Variants in IGSF11 observed in about 807,000 individuals in gnomAD.
IGSF11 encodes the protein immunoglobulin superfamily member 11.
In IGSF11, 22 loss-of-function variants were observed where a neutral mutation model predicts 41.0. The observed-to-expected ratio is 0.54, with a 90% confidence interval of 0.38 to 0.77. The LOEUF (loss-of-function observed/expected upper bound fraction) is 0.77, where lower values mean the gene tolerates loss of function less well. IGSF11 is among the 30% of genes least tolerant of loss of function. The pLI, the probability that IGSF11 is intolerant of heterozygous loss-of-function variation, is 0.00. For missense variants in IGSF11, 444 were observed against 530.8 expected (o/e 0.84, Z 1.61); for synonymous variants, 219 against 201.3 (o/e 1.09, Z -0.74).
chr3:119,036,053 T>A (rs942122292), upstream of IGSF11, among the ~76,000 whole-genome samples: 1 of 152,240 alleles, frequency 6.6e-6, no homozygotes, highest in Non-Finnish European at 1.5e-5. Context: ...GGTGGAGTTA[T>A]GGATGTACTT....
chr3:119,039,547 G>A (rs896321756), upstream of IGSF11, among the ~76,000 whole-genome samples: 3 of 152,176 alleles, frequency 2.0e-5, no homozygotes, highest in African/African-American at 7.2e-5. Context: ...TATATTCACA[G>A]GTTCTGGGGA....
At chr3:119,111,952 G>C (rs992149730) in intron 1 of IGSF11, among the ~76,000 whole-genome samples, 6 of 152,212 alleles carry the variant, frequency 3.9e-5, no homozygotes, top group African/African-American at 1.4e-4. Flanking sequence ...TCCTCTGGAA[G>C]TTTTGTCTCA....
At chr3:119,070,626 GT>G (rs916019556) in intron 1 of IGSF11, among the ~76,000 whole-genome samples, 7 of 152,076 alleles carry the variant, frequency 4.6e-5, no homozygotes, top group Non-Finnish European at 1.0e-4. Context: ...TTCCTTCTTT[GT>G]TTTTTGTTGT....
intron 1 of IGSF11, chr3:119,012,703 T>C (rs985206841): frequency 6.6e-6 from 1 of 152,222 alleles, no homozygotes; most frequent in Non-Finnish European, 1.5e-5. Flanking sequence ...TTATAACAAG[T>C]GTTTTAAAGA....
intron 1 of IGSF11, among the ~76,000 whole-genome samples, chr3:118,946,456 AAAG>A (rs531900257): frequency 4.1e-4 from 62 of 151,964 alleles, no homozygotes; most frequent in Middle Eastern, 3.4e-3. Flanking sequence ...TAAAAAAAAA[AAAG>A]AAGAAGAAGA....
intron 1 of IGSF11, among the ~76,000 whole-genome samples, chr3:119,009,237 C>T (rs9850939): frequency 0.4 from 60,489 of 151,934 alleles, 14,764 homozygotes; most frequent in African/African-American, 0.69. Flanking sequence ...CCAAGCTTTC[C>T]CATCTTGCAT....
intron 1 of IGSF11, 50 bp from the exon 2 acceptor site, chr3:118,930,325 C>A: frequency 6.5e-7 from 1 of 1,532,106 alleles, no homozygotes; most frequent in South Asian, 1.3e-5. Flanking sequence ...TCCCAACAGT[C>A]CAAACTCCTT....
chr3:119,135,421 G>A (rs531887110), intron 1 of IGSF11, among the ~76,000 whole-genome samples: 35 of 152,130 alleles, frequency 2.3e-4, no homozygotes, highest in African/African-American at 7.9e-4. Flanking sequence ...CAGACACTTC[G>A]CAAAAGAAGA....
chr3:119,010,314 A>C (rs1576634690), intron 1 of IGSF11, among the ~76,000 whole-genome samples: 1 of 152,226 alleles, frequency 6.6e-6, no homozygotes. Context: ...AAAAGGAATA[A>C]AAAATAGAAA....
intron 1 of IGSF11, among the ~76,000 whole-genome samples, chr3:119,140,842 G>A (rs1214576928): frequency 2.3e-5 from 3 of 132,162 alleles, no homozygotes; most frequent in East Asian, 2.2e-4. Flanking sequence ...TCAGGAGTTC[G>A]AGACCAGTCT....
At position 118,996,420 on chromosome 3, in the gene IGSF11, T is replaced by A. The variant is rs1056900128; in HGVS notation, c.52+38111A>T. Among the ~76,000 whole-genome samples the A allele has an allele frequency of 9.2e-5, 14 of 152,160 alleles. 1 individual carries two copies. The East Asian group carries it at 1.2e-3, about 13-fold the overall frequency. On this transcript the variant is annotated intron_variant, in intron 1 of 6. Coordinates refer to ENST00000393775, the MANE Select transcript of IGSF11 (RefSeq NM_001015887.3). ...TCCATCACCACTGCTACCACGCTAC[T>A]TCCATGCCACCATCATCTTATACCT...
chr3:119,060,959 T>C (rs2107453133), intron 1 of IGSF11, among the ~76,000 whole-genome samples: 2 of 152,294 alleles, frequency 1.3e-5, no homozygotes, highest in East Asian at 3.9e-4. Context: ...CATGAAAGAC[T>C]AAGTAAATAA....
At chr3:119,024,052 C>T (rs569145067) in intron 1 of IGSF11, among the ~76,000 whole-genome samples, 1 of 152,130 alleles carries the variant, frequency 6.6e-6, no homozygotes, top group Non-Finnish European at 1.5e-5. Context: ...CTGTAGCTCA[C>T]AACATTATAC....
chr3:119,136,616 A>G (rs1486323683), intron 1 of IGSF11, among the ~76,000 whole-genome samples: 1 of 152,208 alleles, frequency 6.6e-6, no homozygotes, highest in African/African-American at 2.4e-5. Flanking sequence ...TCAATTCAGC[A>G]AAAGTATATA....
At chr3:118,949,867 G>A (rs1340185108) in intron 1 of IGSF11, among the ~76,000 whole-genome samples, 2 of 152,152 alleles carry the variant, frequency 1.3e-5, no homozygotes, top group Non-Finnish European at 2.9e-5. Context: ...AAAAGCCTCT[G>A]CATACCTTCC....
intron 1 of IGSF11, among the ~76,000 whole-genome samples, chr3:119,131,167 G>A (rs1191372870): frequency 6.6e-6 from 1 of 152,178 alleles, no homozygotes; most frequent in Admixed American, 6.5e-5. Flanking sequence ...GCAGCTCCTT[G>A]CCAGCAACAG....
At position 118,926,256 on chromosome 3, in the gene IGSF11, A is replaced by G; in HGVS notation, c.425T>C (p.Val142Ala). 6.3e-7 allele frequency: 1 copy of G among 1,582,250 alleles called. No homozygotes were observed. Among genetic ancestry groups the G allele is most frequent in the Non-Finnish European group, 8.6e-7 (1 of 1,159,764 alleles). The change falls in exon 4 of 7, where the codon GTT (valine) becomes GCT (alanine). Residue 142 changes from valine to alanine, a missense_variant and splice_region_variant. Physicochemically the swap from Val to Ala is moderately conservative, Grantham distance 64. Around this residue, in one of 3 missense-constraint regions of IGSF11, gnomAD observed 193 missense variants for 283.5 expected, o/e 0.68. Transcript: ENST00000393775. ...NIGVTGLTVL[V>A]PPSAPHCQIQ... ...TTGGCAGTGTGGGGCAGAAGGGGGA[A>G]CTATAACAGGAAGAATAAGCAATAA...
intron 1 of IGSF11, among the ~76,000 whole-genome samples, chr3:119,141,647 A>C (rs1291921120): frequency 1.3e-5 from 2 of 148,860 alleles, no homozygotes; most frequent in East Asian, 3.9e-4. Flanking sequence ...AATATCTAAT[A>C]TATATTTCTA....
upstream of IGSF11, among the ~76,000 whole-genome samples, chr3:119,036,196 T>C (rs1324770354): frequency 2.0e-5 from 3 of 152,370 alleles, 1 homozygote; most frequent in South Asian, 4.1e-4. Context: ...TCAACTTTGC[T>C]CACTACTTCC....
Sources: allele counts gnomAD v4.1 joint callset (sites outside exome capture counted in the v4.1 genomes callset), GRCh38; gene constraint gnomAD v4.1.1; regional missense constraint gnomAD v4.1.1; transcripts MANE v1.5; gene names NCBI Gene and HGNC (gene_info 2026-07-23, HGNC 2026-07-21).